The following LRP1B variants were observed in gnomAD, a reference collection of about 807,000 sequenced individuals.
LRP1B encodes LDL receptor related protein 1B, also known as low-density lipoprotein receptor-related protein 1B.
In LRP1B, 217 loss-of-function variants were observed where a neutral mutation model predicts 556.6. The ratio of observed to expected loss-of-function variants is 0.39; its 90% confidence interval spans 0.35 to 0.44. The LOEUF (loss-of-function observed/expected upper bound fraction) is 0.44. Among genes scored for constraint, LRP1B ranks in the 20% least tolerant of loss-of-function variants. The probability of loss-of-function intolerance (pLI) is 1.00; values close to 1 mark genes in which losing one functional copy is unlikely to be tolerated. For missense variants in LRP1B, 5,053 were observed against 5,620.8 expected (o/e 0.90, Z 3.23); for synonymous variants, 2,047 against 1,865.8 (o/e 1.10, Z -2.50).
intron 2 of LRP1B, among the ~76,000 whole-genome samples, chr2:141,738,392 G>A (rs1316922132): frequency 2.0e-5 from 3 of 152,086 alleles, no homozygotes; most frequent in Admixed American, 6.6e-5. Context: ...AGTGCTCCAT[G>A]TACAGCTGCA....
At chr2:140,472,832 A>G (rs1275153654) in intron 60 of LRP1B, among the ~76,000 whole-genome samples, 1 of 152,070 alleles carries the variant, frequency 6.6e-6, no homozygotes, top group African/African-American at 2.4e-5. Context: ...GTTGTTCTGA[A>G]AAGTCTCATA....
intron 1 of LRP1B, among the ~76,000 whole-genome samples, chr2:141,980,402 T>G (rs1702011123): frequency 6.6e-6 from 1 of 152,132 alleles, no homozygotes; most frequent in South Asian, 2.1e-4. Flanking sequence ...TTTTATACAA[T>G]GATATAAGAA....
chr2:141,223,439 T>C (rs936402084), intron 6 of LRP1B, among the ~76,000 whole-genome samples: 2 of 152,206 alleles, frequency 1.3e-5, no homozygotes, highest in Non-Finnish European at 1.5e-5. Context: ...ATCAATATTA[T>C]GAAAATGGCC....
At chr2:141,184,272 C>T (rs577582820) in intron 7 of LRP1B, among the ~76,000 whole-genome samples, 2 of 152,106 alleles carry the variant, frequency 1.3e-5, no homozygotes, top group South Asian at 2.1e-4. Flanking sequence ...TTACATCTTC[C>T]CTTATGGTGT....
chr2:140,782,216 G>A (rs981823108), intron 32 of LRP1B, among the ~76,000 whole-genome samples: 4 of 152,174 alleles, frequency 2.6e-5, no homozygotes, highest in Admixed American at 1.3e-4. Flanking sequence ...TCTACTTCAT[G>A]GTTAGGGGCT....
chr2:142,036,416 A>T (rs1355371107), intron 1 of LRP1B, among the ~76,000 whole-genome samples: 1 of 151,712 alleles, frequency 6.6e-6, no homozygotes, highest in African/African-American at 2.4e-5. Flanking sequence ...TCATCTATGA[A>T]TACTTGATCT....
chr2:141,185,687 C>CAAAAAAAAAAAAAAA (rs111914547), intron 7 of LRP1B, among the ~76,000 whole-genome samples: 2 of 132,166 alleles, frequency 1.5e-5, no homozygotes, highest in Non-Finnish European at 3.1e-5. Flanking sequence ...AACAAACAAA[C>CAAAAAAAAAAAAAAA]AAAAAAAAAC....
At chr2:141,898,874 A>T (rs1368008573) in intron 1 of LRP1B, among the ~76,000 whole-genome samples, 2 of 152,144 alleles carry the variant, frequency 1.3e-5, no homozygotes, top group African/African-American at 2.4e-5. Flanking sequence ...AGCATGGAAG[A>T]TGTGCAACCC....
chr2:140,885,997 C>T lies in LRP1B; in HGVS notation c.3964+141G>A, dbSNP rs1390489488. 7.1e-6 allele frequency: 4 copies of T among 565,840 alleles called. No individual in the cohort carries two copies. In the Admixed American group the frequency reaches 1.0e-4, roughly 14 times the overall value. The allele number at this position is 565,840 out of a possible 1,614,324, so 35.1% of individuals were successfully genotyped here. A position where few individuals can be genotyped will look rare whatever the true frequency, so the allele number is the denominator to read the frequency against. On this transcript the variant is annotated intron_variant, in intron 24 of 90. Transcript: ENST00000389484. ...AGGTGCTCACACAGATGCTCAATAT[C>T]CCTGATTTTACATATATGAGGGAGG...
At position 140,982,197 on chromosome 2, in the gene LRP1B, G is replaced by T. The variant is rs113154312; in HGVS notation, c.2850C>A (p.Asp950Glu). Residue 950 changes from aspartate (D) to glutamate (E), a missense_variant, in exon 18 of 91, where the codon GAC (aspartate) becomes GAA (glutamate). Asp to Glu is a conservative substitution (Grantham distance 45). Around this residue, in one of 5 missense-constraint regions of LRP1B, gnomAD observed 3,619 missense variants for 3,931.9 expected, o/e 0.92. Coordinates refer to ENST00000389484, the MANE Select transcript of LRP1B (RefSeq NM_018557.3). ...IPRAWLCDRE[D>E]DCGDQTDEMA... Reference sequence around the variant, plus strand: ...TTTCATCTGTCTGGTCACCACAGTCGTCTTCCCTGTCACACAGCCATGCTC... The same window carrying T: ...TTTCATCTGTCTGGTCACCACAGTCTTCTTCCCTGTCACACAGCCATGCTC... 3 of 1,613,206 alleles carry T rather than the reference G, an allele frequency of 1.9e-6. No individual in the cohort carries two copies. The highest frequency in any genetic ancestry group is 2.7e-5 in the African/African-American group (2 of 74,958).
At position 141,281,692 on chromosome 2, in the gene LRP1B, AT is replaced by A. The variant is rs1685514292; in HGVS notation, c.344-27052del. Reference sequence around the variant, plus strand: ...TGTATTCTGCTCACATTAATATTCTATGCCATAACACAACAATAAAGAGATA... The same window carrying A: ...TGTATTCTGCTCACATTAATATTCTAGCCATAACACAACAATAAAGAGATA... On this transcript the variant is annotated intron_variant, in intron 3 of 90. Coordinates refer to ENST00000389484, the MANE Select transcript of LRP1B (RefSeq NM_018557.3). Among the ~76,000 whole-genome samples the A allele has an allele frequency of 3.3e-5, 5 of 152,072 alleles. No individual in the cohort carries two copies. In the South Asian group the frequency reaches 1.0e-3, roughly 31 times the overall value.
At chr2:140,824,870 A>G (rs1422414878) in intron 31 of LRP1B, among the ~76,000 whole-genome samples, 1 of 152,032 alleles carries the variant, frequency 6.6e-6, no homozygotes, top group Non-Finnish European at 1.5e-5. Flanking sequence ...TCCTGTAGAG[A>G]CTCTTGCTAT....
intron 3 of LRP1B, among the ~76,000 whole-genome samples, chr2:141,420,611 T>C (rs1047157206): frequency 1.3e-5 from 2 of 152,156 alleles, no homozygotes. Flanking sequence ...ACATTGTCAG[T>C]GTACCAAGGC....
rs376102870 is a variant in LRP1B, at chr2:140,556,392, G to A, written c.7195-14421C>T. Among the ~76,000 whole-genome samples, 9 of 151,908 alleles carry A rather than the reference G, an allele frequency of 5.9e-5. No homozygotes were observed. The East Asian group carries it at 1.6e-3, about 26-fold the overall frequency. On this transcript the variant is annotated intron_variant, in intron 43 of 90. Transcript: ENST00000389484. The stretch of plus-strand genomic sequence containing the variant: ...ACATGGAGAAGAATCTGAATAAACA[G>A]GCCTTACTAAGTTCCCCCCACAGTC...
intron 20 of LRP1B, among the ~76,000 whole-genome samples, chr2:140,932,331 G>A (rs994012755): frequency 5.3e-5 from 8 of 152,168 alleles, no homozygotes; most frequent in African/African-American, 1.9e-4. Flanking sequence ...GCTGCAACCT[G>A]CAAACTAATT....
rs147327468 is a variant in LRP1B, at chr2:140,503,067, G to A, written c.8558C>T (p.Ala2853Val). Residue 2853 changes from alanine (A) to valine (V), a missense_variant, in exon 54 of 91, where the codon GCT becomes GTT. Around this residue, in one of 5 missense-constraint regions of LRP1B, gnomAD observed 3,619 missense variants for 3,931.9 expected, o/e 0.92. Coordinates refer to ENST00000389484, the MANE Select transcript of LRP1B (RefSeq NM_018557.3). The stretch of plus-strand genomic sequence containing the variant: ...AGTATTTAGAAGACACCGCCCATCA[G>A]CACAACTAAATTCTTCTGTACCACA... ...RQCGTEEFSC[A>V]DGRCLLNTQW... 6.2e-7 allele frequency: 1 copy of A among 1,613,216 alleles called. No individual in the cohort carries two copies. Among genetic ancestry groups the A allele is most frequent in the Non-Finnish European group, 8.5e-7 (1 of 1,179,352 alleles).
rs114929842 is a variant in LRP1B, at chr2:141,462,762, C to T, written c.343+17634G>A. 5.1e-3 allele frequency among the ~76,000 whole-genome samples: 777 copies of T among 152,172 alleles called. 4 individuals are homozygous for T. Among genetic ancestry groups the T allele is most frequent in the Non-Finnish European group, 8.5e-3 (581 of 68,010 alleles). On this transcript the variant is annotated intron_variant, in intron 3 of 90. Transcript: ENST00000389484. ...GACAAAGAAAGTTTAAGTTTCTATA[C>T]GCTGTCTTATTGTTACTATACTAGT...
At chr2:140,618,536 G>A (rs1332441014) in intron 41 of LRP1B, among the ~76,000 whole-genome samples, 2 of 152,076 alleles carry the variant, frequency 1.3e-5, no homozygotes, top group Non-Finnish European at 2.9e-5. Context: ...ACAAAGATAT[G>A]CCTTCTGAAA....
chr2:140,523,421 T>C (rs7573665), intron 49 of LRP1B, among the ~76,000 whole-genome samples: 146,453 of 151,906 alleles, frequency 0.96, 70,828 homozygotes, highest in East Asian at 1. Flanking sequence ...CCAAAGCCAA[T>C]CTCAAATTGA....
Sources: allele counts gnomAD v4.1 joint callset (sites outside exome capture counted in the v4.1 genomes callset), GRCh38; gene constraint gnomAD v4.1.1; regional missense constraint gnomAD v4.1.1; transcripts MANE v1.5; gene names NCBI Gene and HGNC (gene_info 2026-07-23, HGNC 2026-07-21).